The following DHCR24 variants were observed in gnomAD, a reference collection of about 807,000 sequenced individuals.
DHCR24 encodes the protein 24-dehydrocholesterol reductase.
DHCR24 carries 28 observed loss-of-function variants against 61.2 expected under a neutral mutation model. The observed-to-expected ratio is 0.46, with a 90% CI of 0.34 to 0.63. The LOEUF (loss-of-function observed/expected upper bound fraction) is 0.63, where lower values mean the gene tolerates loss of function less well. DHCR24 is among the 20% of genes least tolerant of loss of function. The pLI, the probability that DHCR24 is intolerant of heterozygous loss-of-function variation, is 0.01. For missense variants in DHCR24, 538 were observed against 679.1 expected, an observed-to-expected ratio of 0.79 and a Z score of 2.31; for synonymous variants, 261 against 275.9, an observed-to-expected ratio of 0.95 and a Z score of 0.54.
intron 5 of DHCR24, among the ~76,000 whole-genome samples, chr1:54,867,474 G>A (rs1165807186): frequency 1.3e-5 from 2 of 152,158 alleles, no homozygotes; most frequent in East Asian, 1.9e-4. Flanking sequence ...GAGGGCCTTT[G>A]GGTAAGGCTC....
At chr1:54,875,333 T>G in intron 3 of DHCR24, 122 bp from the exon 4 acceptor site, 2 of 832,560 alleles carry the variant, frequency 2.4e-6, no homozygotes. Context: ...AATGGGGCTG[T>G]TGACTTAGGG....
At chr1:54,871,236 C>A in intron 5 of DHCR24, 114 bp downstream of exon 5, 1 of 1,375,326 alleles carries the variant, frequency 7.3e-7, no homozygotes, top group Non-Finnish European at 1.0e-6. Context: ...TGGGTTGACC[C>A]AGGCAGCAGC....
intron 2 of DHCR24, among the ~76,000 whole-genome samples, chr1:54,881,805 C>T (rs1368028460): frequency 6.6e-6 from 1 of 152,180 alleles, no homozygotes; most frequent in African/African-American, 2.4e-5. Context: ...GAATACTATG[C>T]AGCCATGTTC....
intron 5 of DHCR24, 102 bp downstream of exon 5, chr1:54,871,248 T>C: frequency 6.7e-7 from 1 of 1,484,424 alleles, no homozygotes; most frequent in Non-Finnish European, 9.2e-7. Context: ...GGCAGCAGCC[T>C]TGAAGAGGTG....
At position 54,868,469 on chromosome 1, in the gene DHCR24, C is replaced by CA. The variant is rs992798408; in HGVS notation, c.876+2880dup. On this transcript the variant is annotated intron_variant, in intron 5 of 8. Transcript: ENST00000371269. ...TGGGTGACAGAGCGAGACTCTGTCTCAAAAAAAAACAAAAGATATTACTCA... is the reference window on the plus strand; with the variant it reads ...TGGGTGACAGAGCGAGACTCTGTCTCAAAAAAAAAACAAAAGATATTACTCA... 4.7e-4 allele frequency among the ~76,000 whole-genome samples: 69 copies of CA among 145,314 alleles called. 1 individual carries two copies. The highest frequency in any genetic ancestry group is 1.4e-3 in the African/African-American group (55 of 39,410).
chr1:54,855,829 A>G (rs1273625240), intron 6 of DHCR24, among the ~76,000 whole-genome samples: 1 of 152,164 alleles, frequency 6.6e-6, no homozygotes, highest in Non-Finnish European at 1.5e-5. Context: ...GAAGACCTAC[A>G]CATGCCCACA....
intron 6 of DHCR24, among the ~76,000 whole-genome samples, chr1:54,855,311 G>A (rs1000430598): frequency 1.3e-5 from 2 of 151,580 alleles, no homozygotes; most frequent in Non-Finnish European, 2.9e-5. Context: ...GGAGAATGGC[G>A]TGAACCCAGG....
In DHCR24 at chr1:54,852,238, GC is replaced by G; in HGVS notation, c.1545del (p.Arg515SerfsTer14). On this transcript the variant is annotated frameshift_variant, in exon 9 of 9. Transcript: ENST00000371269. LOFTEE classifies it high-confidence loss of function. ...CTCTCCAGGCGGGCTCCAGCTCAGTGCCTGGCGGCCTTGCAGATCTTGTCGT... is the reference window on the plus strand; with the variant it reads ...CTCTCCAGGCGGGCTCCAGCTCAGTGCTGGCGGCCTTGCAGATCTTGTCGT... ...EVYDKICKAA[R>X]H 6.2e-7 allele frequency: 1 copy of G among 1,614,212 alleles called. No homozygotes were observed. Among genetic ancestry groups the G allele is most frequent in the African/African-American group, 1.3e-5 (1 of 75,070 alleles).
At position 54,887,190 on chromosome 1, in the gene DHCR24, C is replaced by G. The variant is rs983907024; in HGVS notation, c.-71G>C. ...ACTGCCGCCAGCTCCGCGCCTGGCCCGCTCTGCGCCTGTAGCCCACAGCCC... is the reference window on the plus strand; with the variant it reads ...ACTGCCGCCAGCTCCGCGCCTGGCCGGCTCTGCGCCTGTAGCCCACAGCCC... On this transcript the variant is annotated 5_prime_UTR_variant, in exon 1 of 9. Transcript: ENST00000371269. 9 of 1,351,340 alleles carry G rather than the reference C, an allele frequency of 6.7e-6. No individual in the cohort carries two copies. Among genetic ancestry groups the G allele is most frequent in the East Asian group, 5.1e-5 (2 of 39,030 alleles). The allele number at this position is 1,351,340 out of a possible 1,614,324, so 83.7% of individuals were successfully genotyped here. A position where few individuals can be genotyped will look rare whatever the true frequency, so the allele number is the denominator to read the frequency against.
In DHCR24 at chr1:54,871,506, C is replaced by T; in HGVS notation, c.720G>A (p.Leu240=). 5.0e-6 allele frequency: 8 copies of T among 1,614,214 alleles called. No homozygotes were observed. Among genetic ancestry groups the T allele is most frequent in the Non-Finnish European group, 6.8e-6 (8 of 1,180,042 alleles). ...CCAGGCCCCGCACTGGCTCGAAACG[C>T]AGCTTGACGTACTTCTTGGCAGGGA... is the stretch of plus-strand genomic sequence containing the variant. ...RIIPAKKYVK[L]RFEPVRGLEA... Residue 240 remains leucine (L), a synonymous_variant, in exon 5 of 9, where the codon CTG becomes CTA. Transcript: ENST00000371269.
In DHCR24 at chr1:54,875,164, C is replaced by T. The variant is rs764239541; in HGVS notation, c.541G>A (p.Gly181Ser). ...TGIESSSHKY[G>S]LFQHICTAYE... ...GCAGTGCAGATGTGTTGGAACAGGC[C>T]GTACTTGTGGGATGATGACTCGATG... Residue 181 changes from glycine to serine, a missense_variant, in exon 4 of 9, where the codon GGC (glycine) becomes AGC (serine). Coordinates refer to ENST00000371269, the MANE Select transcript of DHCR24 (RefSeq NM_014762.4). 18 of 1,614,150 alleles carry T rather than the reference C, an allele frequency of 1.1e-5. No homozygotes were observed. Among genetic ancestry groups the T allele is most frequent in the South Asian group, 2.2e-5 (2 of 91,080 alleles).
At chr1:54,861,888 T>G (rs1328737759) in intron 6 of DHCR24, among the ~76,000 whole-genome samples, 3 of 152,146 alleles carry the variant, frequency 2.0e-5, no homozygotes, top group African/African-American at 7.2e-5. Flanking sequence ...TCCTCTCCCC[T>G]TTCATCTCAG....
chr1:54,871,502 A>C lies in DHCR24; in HGVS notation c.724T>G (p.Phe242Val). The change falls in exon 5 of 9, where the codon TTC (phenylalanine) becomes GTC (valine). Residue 242 changes from phenylalanine (F) to valine (V), a missense_variant. Transcript: ENST00000371269. ...GCCTCCAGGCCCCGCACTGGCTCGA[A>C]ACGCAGCTTGACGTACTTCTTGGCA... is the stretch of plus-strand genomic sequence containing the variant. Reference protein sequence around the residue: ...IPAKKYVKLRFEPVRGLEAIC... With the variant: ...IPAKKYVKLRVEPVRGLEAIC... 1 of 1,614,206 alleles carries C rather than the reference A, an allele frequency of 6.2e-7. No homozygotes were observed. Among genetic ancestry groups the C allele is most frequent in the Non-Finnish European group, 8.5e-7 (1 of 1,180,028 alleles).
At chr1:54,853,928 A>G (rs537796624) in intron 7 of DHCR24, 109 bp downstream of exon 7, 105 of 1,162,386 alleles carry the variant, frequency 9.0e-5, no homozygotes, top group Admixed American at 3.4e-4. Flanking sequence ...AAAGTTGGGA[A>G]AACACCCAGA....
intron 1 of DHCR24, among the ~76,000 whole-genome samples, chr1:54,884,225 A>ACTTGTCCAAAGTCACACAATTGGT (rs1557441146): frequency 6.6e-6 from 1 of 152,194 alleles, no homozygotes. Context: ...AAGCAAAATA[A>ACTTGTCCAAAGTCACACAATTGGT]CTTGTCCAAA....
At chr1:54,882,210 G>A (rs767896210) in intron 2 of DHCR24, among the ~76,000 whole-genome samples, 6 of 151,770 alleles carry the variant, frequency 4.0e-5, no homozygotes, top group African/African-American at 1.4e-4. Flanking sequence ...ATTTGATCAG[G>A]CCTCACCAAA....
At chr1:54,866,497 T>A (rs1042500739) in intron 5 of DHCR24, among the ~76,000 whole-genome samples, 1 of 152,118 alleles carries the variant, frequency 6.6e-6, no homozygotes, top group Non-Finnish European at 1.5e-5. Flanking sequence ...ATCTTACACG[T>A]ACTGTTTGCC....
In DHCR24 at chr1:54,865,943, C is replaced by T. The variant is rs111261888; in HGVS notation, c.877-497G>A. ...ACCAAGCTCCACAGTCCTCCGGGTACAGCACTCCCCAGGCAGCCACCATCG... is the reference window on the plus strand; with the variant it reads ...ACCAAGCTCCACAGTCCTCCGGGTATAGCACTCCCCAGGCAGCCACCATCG... On this transcript the variant is annotated intron_variant, in intron 5 of 8. Transcript: ENST00000371269. Among the ~76,000 whole-genome samples, 86 of 152,310 alleles carry T rather than the reference C, an allele frequency of 5.6e-4. 1 individual carries two copies. Among genetic ancestry groups the T allele is most frequent in the Admixed American group, 2.4e-3 (36 of 15,310 alleles).
intron 2 of DHCR24, among the ~76,000 whole-genome samples, chr1:54,878,162 A>G (rs991913494): frequency 8.0e-5 from 12 of 149,796 alleles, no homozygotes; most frequent in South Asian, 4.4e-4. Flanking sequence ...GTAAATACAC[A>G]TGAGGCTATT....
Sources: allele counts gnomAD v4.1 joint callset (sites outside exome capture counted in the v4.1 genomes callset), GRCh38; gene constraint gnomAD v4.1.1; transcripts MANE v1.5; gene names NCBI Gene and HGNC (gene_info 2026-07-23, HGNC 2026-07-21).